CACNA2D1: variants seen among roughly 807,000 people sequenced by gnomAD.
CACNA2D1 encodes calcium voltage-gated channel auxiliary subunit alpha2delta 1, also known as voltage-dependent calcium channel subunit alpha-2/delta-1.
Under a neutral mutation model 171.5 loss-of-function variants are expected in CACNA2D1, and 53 were observed. That is an observed-to-expected ratio of 0.31 (90% CI 0.25 to 0.39). The LOEUF (loss-of-function observed/expected upper bound fraction) is 0.39. Ranked by LOEUF, CACNA2D1 falls within the 10% of genes least tolerant of loss-of-function variation. CACNA2D1 has a pLI of 1.00. For missense variants in CACNA2D1, 903 were observed against 1,299.8 expected, an observed-to-expected ratio of 0.69 and a Z score of 4.69; for synonymous variants, 442 against 443.1, an observed-to-expected ratio of 1.00 and a Z score of 0.03.
chr7:82,023,622 T>C (rs943702644), intron 12 of CACNA2D1, among the ~76,000 whole-genome samples: 1 of 151,684 alleles, frequency 6.6e-6, no homozygotes, highest in African/African-American at 2.4e-5. Flanking sequence ...TTTCAAGATG[T>C]TGTAATTTTT....
At chr7:82,169,012 G>A (rs1795748659) in intron 4 of CACNA2D1, among the ~76,000 whole-genome samples, 1 of 151,982 alleles carries the variant, frequency 6.6e-6, no homozygotes, top group Non-Finnish European at 1.5e-5. Flanking sequence ...CATCTATTAT[G>A]ACTTTACACT....
At chr7:82,326,327 G>A (rs759362938) in intron 3 of CACNA2D1, among the ~76,000 whole-genome samples, 5 of 152,074 alleles carry the variant, frequency 3.3e-5, no homozygotes, top group Admixed American at 2.0e-4. Context: ...GTTATATGGC[G>A]TGTCATTTAA....
chr7:82,347,183 C>T (rs1015914257), intron 2 of CACNA2D1, among the ~76,000 whole-genome samples: 13 of 152,096 alleles, frequency 8.5e-5, no homozygotes, highest in African/African-American at 3.1e-4. Context: ...AGTTGAAGCA[C>T]TGAATGTATT....
chr7:82,294,115 C>T (rs73164267), intron 3 of CACNA2D1, among the ~76,000 whole-genome samples: 25,252 of 151,946 alleles, frequency 0.17, 2,311 homozygotes, highest in Middle Eastern at 0.27. Context: ...TATGCTTGTT[C>T]AAGCCACCAT....
intron 3 of CACNA2D1, among the ~76,000 whole-genome samples, chr7:82,204,719 TGTTGG>T (rs1347830954): frequency 1.3e-5 from 2 of 152,138 alleles, no homozygotes; most frequent in Non-Finnish European, 2.9e-5. Flanking sequence ...AAGGCTTATG[TGTTGG>T]ACCTGTGTGT....
At chr7:82,401,689 TA>T (rs1399995024) in intron 1 of CACNA2D1, among the ~76,000 whole-genome samples, 1 of 151,224 alleles carries the variant, frequency 6.6e-6, no homozygotes, top group Non-Finnish European at 1.5e-5. Context: ...ATATGTACCC[TA>T]AAACTTGAAG....
chr7:82,271,064 C>A (rs1037505381), intron 3 of CACNA2D1, among the ~76,000 whole-genome samples: 1 of 151,980 alleles, frequency 6.6e-6, no homozygotes, highest in Non-Finnish European at 1.5e-5. Flanking sequence ...TGTTTTAACC[C>A]CAGATTCAGG....
At chr7:82,329,307 A>C (rs1817008767) in intron 3 of CACNA2D1, among the ~76,000 whole-genome samples, 1 of 152,182 alleles carries the variant, frequency 6.6e-6, no homozygotes, top group African/African-American at 2.4e-5. Context: ...TTAAAGCTTC[A>C]AAATAGATTG....
chr7:82,004,092 A>T (rs1283781349), intron 18 of CACNA2D1, among the ~76,000 whole-genome samples: 3 of 152,200 alleles, frequency 2.0e-5, no homozygotes, highest in Non-Finnish European at 4.4e-5. Context: ...AGGGGAATTT[A>T]ATTGAAAATA....
At chr7:82,279,717 T>C (rs1399180741) in intron 3 of CACNA2D1, among the ~76,000 whole-genome samples, 1 of 152,192 alleles carries the variant, frequency 6.6e-6, no homozygotes, top group Admixed American at 6.5e-5. Flanking sequence ...CTTTAATAGT[T>C]CCTTTTAATA....
chr7:82,265,370 T>C (rs1411932795), intron 3 of CACNA2D1, among the ~76,000 whole-genome samples: 5 of 151,520 alleles, frequency 3.3e-5, no homozygotes, highest in African/African-American at 4.8e-5. Context: ...TGATGTAAGA[T>C]CTCTGGGGCC....
intron 12 of CACNA2D1, among the ~76,000 whole-genome samples, chr7:82,030,596 T>C (rs530492586): frequency 6.8e-4 from 103 of 151,916 alleles, no homozygotes; most frequent in African/African-American, 2.2e-3. Context: ...CTTTTCATTT[T>C]TGAAATAAAG....
chr7:82,202,040 C>A (rs1799493282), intron 3 of CACNA2D1, among the ~76,000 whole-genome samples: 1 of 152,182 alleles, frequency 6.6e-6, no homozygotes, highest in African/African-American at 2.4e-5. Flanking sequence ...ACATCTGATC[C>A]AGCAAGACAC....
chr7:82,318,729 A>T (rs1252545497), intron 3 of CACNA2D1, among the ~76,000 whole-genome samples: 1 of 152,192 alleles, frequency 6.6e-6, no homozygotes, highest in Non-Finnish European at 1.5e-5. Context: ...TAGAAACAAA[A>T]ATGCCAACCT....
intron 10 of CACNA2D1, among the ~76,000 whole-genome samples, chr7:82,048,602 A>G (rs1230350266): frequency 6.6e-6 from 1 of 152,128 alleles, no homozygotes; most frequent in East Asian, 1.9e-4. Context: ...TTATTCAACA[A>G]TTAAGATTGC....
At chr7:82,138,440 G>GTTTTTTTTTT (rs1423711232) in intron 4 of CACNA2D1, among the ~76,000 whole-genome samples, 3 of 95,392 alleles carry the variant, frequency 3.1e-5, no homozygotes, top group Admixed American at 1.3e-4. Context: ...TGTTTTTTTT[G>GTTTTTTTTTT]TTTTTTTTGT....
chr7:82,437,924 G>A (rs896932357), intron 1 of CACNA2D1, among the ~76,000 whole-genome samples: 1 of 152,100 alleles, frequency 6.6e-6, no homozygotes, highest in Non-Finnish European at 1.5e-5. Context: ...AAATTTCAAA[G>A]TATATCTTAT....
intron 4 of CACNA2D1, among the ~76,000 whole-genome samples, chr7:82,140,885 G>A (rs1168407968): frequency 1.4e-5 from 2 of 148,146 alleles, no homozygotes; most frequent in Admixed American, 1.4e-4. Context: ...AACCTGGGAG[G>A]TGGAGCTTGC....
intron 3 of CACNA2D1, among the ~76,000 whole-genome samples, chr7:82,270,760 A>C (rs1808517788): frequency 6.6e-6 from 1 of 152,032 alleles, no homozygotes. Flanking sequence ...CATTCTAGTA[A>C]ATTTCTACAC....
Sources: allele counts gnomAD v4.1 joint callset (sites outside exome capture counted in the v4.1 genomes callset), GRCh38; gene constraint gnomAD v4.1.1; transcripts MANE v1.5; gene names NCBI Gene and HGNC (gene_info 2026-07-23, HGNC 2026-07-21).